DSCAM: variants seen among roughly 807,000 people sequenced by gnomAD.
DSCAM encodes cell adhesion molecule DSCAM.
Under a neutral mutation model 217.7 loss-of-function variants are expected in DSCAM, and 47 were observed. That is an observed-to-expected ratio of 0.22 (90% CI 0.17 to 0.28). The LOEUF (loss-of-function observed/expected upper bound fraction) is 0.28. DSCAM is among the 10% of genes least tolerant of loss of function. The probability of loss-of-function intolerance (pLI) is 1.00; values close to 1 mark genes in which losing one functional copy is unlikely to be tolerated. For missense variants in DSCAM, 2,080 were observed against 2,618.3 expected (o/e 0.79, Z 4.49); for synonymous variants, 1,056 against 1,015.3 (o/e 1.04, Z -0.76).
chr21:40,054,586 C>T (rs183823909), intron 29 of DSCAM, among the ~76,000 whole-genome samples: 35 of 152,336 alleles, frequency 2.3e-4, no homozygotes, highest in African/African-American at 8.4e-4. Context: ...TGTCCTGGGA[C>T]TCATGCCAGC....
chr21:40,655,068 GAGA>G (rs1158545087), intron 3 of DSCAM, among the ~76,000 whole-genome samples: 1 of 152,134 alleles, frequency 6.6e-6, no homozygotes, highest in Non-Finnish European at 1.5e-5. Context: ...GAAGCAGCCA[GAGA>G]AGGAGAGAGA....
intron 1 of DSCAM, among the ~76,000 whole-genome samples, chr21:40,801,570 G>A (rs2091740683): frequency 6.6e-6 from 1 of 152,164 alleles, no homozygotes; most frequent in African/African-American, 2.4e-5. Flanking sequence ...ATGGTTTCAG[G>A]AGCTAGACCA....
chr21:40,032,241 A>T (rs1337023026), intron 32 of DSCAM, among the ~76,000 whole-genome samples: 1 of 152,162 alleles, frequency 6.6e-6, no homozygotes, highest in Non-Finnish European at 1.5e-5. Context: ...GGATCGTTCC[A>T]TAGTGGGTGC....
At chr21:40,498,389 AC>A (rs2076136251) in intron 3 of DSCAM, among the ~76,000 whole-genome samples, 1 of 151,534 alleles carries the variant, frequency 6.6e-6, no homozygotes, top group South Asian at 2.1e-4. Flanking sequence ...CGTATAAAAA[AC>A]CACACAGTGG....
intron 3 of DSCAM, among the ~76,000 whole-genome samples, chr21:40,670,868 A>G (rs1466798645): frequency 6.6e-6 from 1 of 152,244 alleles, no homozygotes; most frequent in Non-Finnish European, 1.5e-5. Flanking sequence ...TAGGTGACTT[A>G]GCATTCCTAA....
intron 11 of DSCAM, among the ~76,000 whole-genome samples, chr21:40,223,756 T>C (rs1458920845): frequency 6.6e-6 from 1 of 152,258 alleles, no homozygotes; most frequent in Non-Finnish European, 1.5e-5. Context: ...CATTCACTTA[T>C]GAAGGTTAGA....
At chr21:40,433,726 T>C (rs2075557762) in intron 3 of DSCAM, among the ~76,000 whole-genome samples, 1 of 152,064 alleles carries the variant, frequency 6.6e-6, no homozygotes. Flanking sequence ...CTGAGGTAGA[T>C]GATATCACCT....
intron 3 of DSCAM, among the ~76,000 whole-genome samples, chr21:40,553,805 C>A (rs1270776074): frequency 6.6e-6 from 1 of 152,050 alleles, no homozygotes; most frequent in Non-Finnish European, 1.5e-5. Flanking sequence ...GTGACAGAGT[C>A]ATAGGATCAC....
intron 3 of DSCAM, among the ~76,000 whole-genome samples, chr21:40,551,188 T>C (rs553760995): frequency 6.6e-6 from 1 of 152,352 alleles, no homozygotes; most frequent in South Asian, 2.1e-4. Context: ...AGCTTGGTTT[T>C]ACACGTCTTA....
chr21:40,065,811 G>C (rs1220792796), intron 27 of DSCAM, among the ~76,000 whole-genome samples: 2 of 152,208 alleles, frequency 1.3e-5, no homozygotes, highest in Non-Finnish European at 2.9e-5. Flanking sequence ...GAAGGGTGAA[G>C]ACTGGAATCC....
intron 1 of DSCAM, among the ~76,000 whole-genome samples, chr21:40,786,122 G>A (rs964353397): frequency 6.6e-6 from 1 of 152,136 alleles, no homozygotes; most frequent in Non-Finnish European, 1.5e-5. Context: ...TGTAATCCCA[G>A]CTACTTGGGA....
chr21:40,647,860 T>C (rs2089965818), intron 3 of DSCAM, among the ~76,000 whole-genome samples: 1 of 152,222 alleles, frequency 6.6e-6, no homozygotes, highest in African/African-American at 2.4e-5. Flanking sequence ...AGCATCCAGC[T>C]GACTCTAAAT....
At chr21:40,293,193 C>A (rs1191012439) in intron 10 of DSCAM, among the ~76,000 whole-genome samples, 1 of 152,118 alleles carries the variant, frequency 6.6e-6, no homozygotes, top group Non-Finnish European at 1.5e-5. Context: ...CCCTTTATAG[C>A]CAGGGGCGAC....
intron 3 of DSCAM, among the ~76,000 whole-genome samples, chr21:40,662,771 C>T (rs1568970168): frequency 6.6e-6 from 1 of 152,148 alleles, no homozygotes; most frequent in Non-Finnish European, 1.5e-5. Context: ...TCGGCTTCTG[C>T]CACCAGGAAG....
rs1745011341 is a variant in DSCAM, at chr21:40,846,752, T to C, written c.-91A>G. The C allele has an allele frequency of 2.0e-6, 1 of 496,212 alleles. No homozygotes were observed. The highest frequency in any genetic ancestry group is 2.6e-6 in the Non-Finnish European group (1 of 382,414). The allele number at this position is 496,212 out of a possible 1,614,324, so 30.7% of individuals were successfully genotyped here. On this transcript the variant is annotated 5_prime_UTR_variant, in exon 1 of 33. Transcript: ENST00000400454. ...CCGGCTCCGCTCGCCGCTCGGCACC[T>C]GCCCGGGGGCCGCCGCCCGCCCGCC...
At chr21:40,362,910 A>G (rs2074783473) in intron 4 of DSCAM, among the ~76,000 whole-genome samples, 1 of 152,208 alleles carries the variant, frequency 6.6e-6, no homozygotes, top group African/African-American at 2.4e-5. Flanking sequence ...GGTTTTCAAA[A>G]TATTTAATGG....
intron 16 of DSCAM, among the ~76,000 whole-genome samples, chr21:40,155,594 C>G (rs948035970): frequency 6.6e-6 from 1 of 152,012 alleles, no homozygotes; most frequent in African/African-American, 2.4e-5. Context: ...GGCAGGATTT[C>G]AAAGGCATGG....
At chr21:40,719,450 G>T (rs2090878488) in intron 1 of DSCAM, among the ~76,000 whole-genome samples, 1 of 152,106 alleles carries the variant, frequency 6.6e-6, no homozygotes, top group African/African-American at 2.4e-5. Flanking sequence ...TCACTCCTAA[G>T]TATTTATACA....
chr21:40,349,939 A>C (rs2074610906), intron 5 of DSCAM, among the ~76,000 whole-genome samples: 1 of 152,196 alleles, frequency 6.6e-6, no homozygotes, highest in South Asian at 2.1e-4. Context: ...AGCAGAAGCA[A>C]ATGGAGGCCA....
Sources: allele counts gnomAD v4.1 joint callset (sites outside exome capture counted in the v4.1 genomes callset), GRCh38; gene constraint gnomAD v4.1.1; transcripts MANE v1.5; gene names NCBI Gene and HGNC (gene_info 2026-07-23, HGNC 2026-07-21).